SYT1: variants seen among roughly 807,000 people sequenced by gnomAD.
SYT1 encodes the protein synaptotagmin 1.
Under a neutral mutation model 44.8 loss-of-function variants are expected in SYT1, and 8 were observed. The observed-to-expected ratio is 0.18, with a 90% confidence interval of 0.10 to 0.32. SYT1 has a LOEUF of 0.32. Among genes scored for constraint, SYT1 ranks in the 10% least tolerant of loss-of-function variants. The probability of loss-of-function intolerance (pLI) is 1.00; values close to 1 mark genes in which losing one functional copy is unlikely to be tolerated. For synonymous variants in SYT1, 154 were observed against 188.8 expected (o/e 0.82, Z 1.51); for missense variants, 286 against 509.3 (o/e 0.56, Z 4.22).
At chr12:79,292,810 AATG>A (rs1186087617) in intron 6 of SYT1, among the ~76,000 whole-genome samples, 1 of 152,132 alleles carries the variant, frequency 6.6e-6, no homozygotes, top group Non-Finnish European at 1.5e-5. Context: ...CACCTAGATG[AATG>A]ATAATATTGG....
chr12:79,400,732 G>A (rs554480722), intron 9 of SYT1, among the ~76,000 whole-genome samples: 2 of 152,352 alleles, frequency 1.3e-5, no homozygotes, highest in Admixed American at 1.3e-4. Context: ...GCACATTGCT[G>A]AAAGGCAGGT....
At chr12:79,403,771 A>T (rs1360140396) in intron 9 of SYT1, among the ~76,000 whole-genome samples, 2 of 152,110 alleles carry the variant, frequency 1.3e-5, no homozygotes, top group Non-Finnish European at 2.9e-5. Context: ...ATCATGTGAG[A>T]ATTGGTTAGA....
At chr12:79,444,849 T>G (rs994370504) in intron 10 of SYT1, among the ~76,000 whole-genome samples, 2 of 152,138 alleles carry the variant, frequency 1.3e-5, no homozygotes, top group South Asian at 4.1e-4. Context: ...GCCACAATGA[T>G]AACATGCAAT....
intron 9 of SYT1, among the ~76,000 whole-genome samples, chr12:79,358,449 G>A (rs1883195071): frequency 6.6e-6 from 1 of 152,072 alleles, no homozygotes; most frequent in Admixed American, 6.5e-5. Context: ...TGATAGCCCT[G>A]TGAGATACTT....
chr12:79,158,969 A>C (rs1320616237), intron 3 of SYT1, among the ~76,000 whole-genome samples: 1 of 152,192 alleles, frequency 6.6e-6, no homozygotes, highest in East Asian at 1.9e-4. Context: ...AACATGTAGC[A>C]TGTCCTGAGG....
chr12:79,038,284 G>A (rs1338950968), intron 2 of SYT1, among the ~76,000 whole-genome samples: 43 of 149,860 alleles, frequency 2.9e-4, no homozygotes, highest in Non-Finnish European at 1.5e-5. Flanking sequence ...TAATATAATG[G>A]TATTAATATA....
chr12:79,354,386 C>T (rs1330698675), intron 9 of SYT1, among the ~76,000 whole-genome samples: 2 of 152,176 alleles, frequency 1.3e-5, no homozygotes, highest in Non-Finnish European at 2.9e-5. Flanking sequence ...AAATTGACTG[C>T]AGTTGTCATT....
At chr12:79,260,715 G>A (rs1318244743) in intron 4 of SYT1, among the ~76,000 whole-genome samples, 1 of 151,854 alleles carries the variant, frequency 6.6e-6, no homozygotes, top group Non-Finnish European at 1.5e-5. Flanking sequence ...CTATTCAAAA[G>A]TTGAAATTAG....
At chr12:79,044,379 A>G (rs1873837498) in intron 2 of SYT1, among the ~76,000 whole-genome samples, 2 of 151,670 alleles carry the variant, frequency 1.3e-5, no homozygotes. Flanking sequence ...CATTCATTTC[A>G]TCTTCTATTG....
chr12:78,988,187 A>G (rs1849854), intron 2 of SYT1, among the ~76,000 whole-genome samples: 10,935 of 151,874 alleles, frequency 0.072, 487 homozygotes, highest in East Asian at 0.15. Flanking sequence ...GGGGGATACA[A>G]TAGTGAGCAA....
chr12:78,942,798 C>T (rs1345438649), intron 1 of SYT1, among the ~76,000 whole-genome samples: 1 of 152,164 alleles, frequency 6.6e-6, no homozygotes, highest in Non-Finnish European at 1.5e-5. Context: ...TACTTCCAGG[C>T]TGAGCCGAGG....
At chr12:78,889,834 A>T (rs990097683) in intron 1 of SYT1, among the ~76,000 whole-genome samples, 2 of 151,934 alleles carry the variant, frequency 1.3e-5, no homozygotes, top group African/African-American at 4.8e-5. Context: ...GTTTTGTAAA[A>T]TGCCTCAGTC....
intron 9 of SYT1, among the ~76,000 whole-genome samples, chr12:79,411,140 A>G (rs993639322): frequency 6.6e-6 from 1 of 152,226 alleles, no homozygotes; most frequent in African/African-American, 2.4e-5. Context: ...CAAAGCTGAC[A>G]TGGGGTCTTC....
At chr12:79,286,163 C>T (rs1437095740) in intron 5 of SYT1, among the ~76,000 whole-genome samples, 192 bp downstream of exon 5, 3 of 152,130 alleles carry the variant, frequency 2.0e-5, no homozygotes, top group Non-Finnish European at 4.4e-5. Flanking sequence ...TTTCCAATCT[C>T]CTGAGCATAT....
chr12:79,145,743 T>G (rs112568288), intron 3 of SYT1, among the ~76,000 whole-genome samples: 9 of 127,292 alleles, frequency 7.1e-5, no homozygotes, highest in African/African-American at 2.6e-4. Context: ...AGTGGTTTTT[T>G]TTTTTTTTTG....
chr12:79,393,637 C>T (rs1593029001), intron 9 of SYT1: 1 of 152,100 alleles, frequency 6.6e-6, no homozygotes, highest in Admixed American at 6.5e-5. Context: ...CCTTTGCCCA[C>T]TTTTTGATGG....
chr12:79,059,346 CTAAAATGTAAAAGTAAATGTAAA>C (rs1372801057), intron 3 of SYT1, among the ~76,000 whole-genome samples: 1 of 151,974 alleles, frequency 6.6e-6, no homozygotes, highest in East Asian at 1.9e-4. Flanking sequence ...TTCATTTTTT[CTAAAATGTAAAAGTAAATGTAAA>C]ATACATGATT....
At chr12:79,100,356 A>G (rs1878376305) in intron 3 of SYT1, among the ~76,000 whole-genome samples, 3 of 152,160 alleles carry the variant, frequency 2.0e-5, no homozygotes, top group East Asian at 1.9e-4. Flanking sequence ...AGGTCATACT[A>G]TATCTTAAAG....
chr12:79,017,502 A>G (rs1871884032), intron 2 of SYT1, among the ~76,000 whole-genome samples: 1 of 152,112 alleles, frequency 6.6e-6, no homozygotes, highest in Non-Finnish European at 1.5e-5. Context: ...TGATTTTTCA[A>G]AGTATTTTAT....
Sources: allele counts gnomAD v4.1 joint callset (sites outside exome capture counted in the v4.1 genomes callset), GRCh38; gene constraint gnomAD v4.1.1; transcripts MANE v1.5; gene names NCBI Gene and HGNC (gene_info 2026-07-23, HGNC 2026-07-21).